The following SPOPL variants were observed in gnomAD, a reference collection of about 807,000 sequenced individuals.
SPOPL encodes speckle type BTB/POZ protein like.
In SPOPL, 23 loss-of-function variants were observed where a neutral mutation model predicts 53.8. The ratio of observed to expected loss-of-function variants is 0.43; its 90% CI spans 0.31 to 0.61. SPOPL has a LOEUF of 0.61. Among genes scored for constraint, SPOPL ranks in the 20% least tolerant of loss-of-function variants. The pLI, the probability that SPOPL is intolerant of heterozygous loss-of-function variation, is 0.12. For missense variants in SPOPL, 442 were observed against 466.9 expected (o/e 0.95, Z 0.49); for synonymous variants, 164 against 149.7 (o/e 1.10, Z -0.70).
At chr2:138,509,520 T>G (rs1332892083) in intron 1 of SPOPL, among the ~76,000 whole-genome samples, 1 of 152,144 alleles carries the variant, frequency 6.6e-6, no homozygotes, top group Non-Finnish European at 1.5e-5. Flanking sequence ...TGAAGCAAAT[T>G]TAACAATTTT....
At chr2:138,544,401 G>A (rs1685144585) in intron 1 of SPOPL, among the ~76,000 whole-genome samples, 2 of 152,182 alleles carry the variant, frequency 1.3e-5, no homozygotes, top group East Asian at 1.9e-4. Flanking sequence ...CTTCCAGGCC[G>A]CTTTGTTTAG....
intron 10 of SPOPL, among the ~76,000 whole-genome samples, chr2:138,568,462 T>C (rs572069309): frequency 1.3e-5 from 2 of 152,308 alleles, no homozygotes; most frequent in East Asian, 3.9e-4. Flanking sequence ...TGGCTGCGAA[T>C]GAACCTTGTG....
chr2:138,508,425 T>C (rs1684260312), intron 1 of SPOPL, among the ~76,000 whole-genome samples: 1 of 152,158 alleles, frequency 6.6e-6, no homozygotes, highest in Non-Finnish European at 1.5e-5. Context: ...CTCTGTCTCC[T>C]GGTTCAAACA....
intron 3 of SPOPL, 90 bp from the exon 4 acceptor site, chr2:138,550,813 T>G (rs965328936): frequency 2.4e-6 from 3 of 1,244,758 alleles, no homozygotes; most frequent in African/African-American, 3.1e-5. Flanking sequence ...GATTTCAGTG[T>G]TCTCTCTCTC....
intron 1 of SPOPL, among the ~76,000 whole-genome samples, chr2:138,508,996 C>G (rs1204710719): frequency 6.6e-6 from 1 of 151,864 alleles, no homozygotes; most frequent in Non-Finnish European, 1.5e-5. Context: ...TAAAAGAGGT[C>G]AGGATAATTA....
intron 5 of SPOPL, among the ~76,000 whole-genome samples, chr2:138,558,312 A>G (rs922774840): frequency 1.1e-4 from 16 of 152,192 alleles, no homozygotes; most frequent in African/African-American, 3.4e-4. Context: ...TACTGTAATC[A>G]TACCTTTTAT....
At chr2:138,519,968 A>G (rs1383856250) in intron 1 of SPOPL, among the ~76,000 whole-genome samples, 1 of 152,138 alleles carries the variant, frequency 6.6e-6, no homozygotes, top group Non-Finnish European at 1.5e-5. Flanking sequence ...TGGTATAGGG[A>G]CAAAGGGTGG....
intron 1 of SPOPL, among the ~76,000 whole-genome samples, chr2:138,542,342 G>C (rs922129191): frequency 2.0e-5 from 3 of 152,136 alleles, no homozygotes; most frequent in Non-Finnish European, 4.4e-5. Context: ...GGGTGTTAAA[G>C]TCTCCCATTA....
At chr2:138,548,724 G>C (rs1205366763) in intron 1 of SPOPL, among the ~76,000 whole-genome samples, 1 of 151,712 alleles carries the variant, frequency 6.6e-6, no homozygotes, top group Non-Finnish European at 1.5e-5. Flanking sequence ...AGTTTTCTTT[G>C]TTTACTGTTT....
chr2:138,564,227 T>C (rs1685611182), intron 8 of SPOPL, among the ~76,000 whole-genome samples: 1 of 152,242 alleles, frequency 6.6e-6, no homozygotes, highest in Non-Finnish European at 1.5e-5. Flanking sequence ...TTATGTGTAC[T>C]TTATTGTGTG....
Position 138,538,604 on chromosome 2 carries a change from T to C in SPOPL, c.-60-11553T>C, listed in dbSNP as rs539708488. ...CCATACACAAGAACCCTTAAAAATA[T>C]TCTTCCAGTCTTTTCACATTGCCTA... On this transcript the variant is annotated intron_variant, in intron 1 of 10. Coordinates refer to ENST00000280098, the MANE Select transcript of SPOPL (RefSeq NM_001001664.3). Among the ~76,000 whole-genome samples, 240 of 152,298 alleles carry C rather than the reference T, an allele frequency of 1.6e-3. 1 individual carries two copies. Among genetic ancestry groups the C allele is most frequent in the African/African-American group, 5.4e-3 (226 of 41,582 alleles).
chr2:138,516,087 A>C (rs910949219), intron 1 of SPOPL, among the ~76,000 whole-genome samples: 9 of 152,248 alleles, frequency 5.9e-5, no homozygotes, highest in Non-Finnish European at 1.2e-4. Context: ...TAGTGAAAGC[A>C]TAACTTATGA....
At chr2:138,541,334 G>A (rs1376212470) in intron 1 of SPOPL, among the ~76,000 whole-genome samples, 1 of 152,132 alleles carries the variant, frequency 6.6e-6, no homozygotes. Flanking sequence ...GCTCCTCCTT[G>A]TACCTCTGGT....
intron 8 of SPOPL, among the ~76,000 whole-genome samples, 180 bp downstream of exon 8, chr2:138,561,107 A>G (rs186181334): frequency 8.5e-5 from 13 of 152,272 alleles, no homozygotes; most frequent in Non-Finnish European, 1.9e-4. Context: ...TCATGATGTG[A>G]AAGTATCTTG....
At chr2:138,528,027 C>T (rs1014083168) in intron 1 of SPOPL, among the ~76,000 whole-genome samples, 30 of 152,300 alleles carry the variant, frequency 2.0e-4, no homozygotes, top group African/African-American at 6.0e-4. Flanking sequence ...TATTTTTCTT[C>T]GCATCTCATT....
chr2:138,532,242 T>C (rs1684824886), intron 1 of SPOPL, among the ~76,000 whole-genome samples: 1 of 152,138 alleles, frequency 6.6e-6, no homozygotes, highest in Non-Finnish European at 1.5e-5. Context: ...TATCCTGTTT[T>C]ATCTCCAGCG....
chr2:138,568,681 A>C (rs914796861), intron 10 of SPOPL, among the ~76,000 whole-genome samples: 2 of 152,166 alleles, frequency 1.3e-5, no homozygotes, highest in Admixed American at 1.3e-4. Flanking sequence ...AAATTGTAAC[A>C]ATGAGAGTTG....
intron 4 of SPOPL, among the ~76,000 whole-genome samples, chr2:138,551,586 A>G (rs1322377899): frequency 1.3e-5 from 2 of 152,068 alleles, no homozygotes; most frequent in Admixed American, 1.3e-4. Flanking sequence ...CCTGAGCTTC[A>G]TAATAGAAGA....
chr2:138,548,887 A>G (rs1685253334), intron 1 of SPOPL, among the ~76,000 whole-genome samples: 1 of 152,126 alleles, frequency 6.6e-6, no homozygotes, highest in Non-Finnish European at 1.5e-5. Flanking sequence ...TATTTAATTA[A>G]CTATGAATTT....
Sources: allele counts gnomAD v4.1 joint callset (sites outside exome capture counted in the v4.1 genomes callset), GRCh38; gene constraint gnomAD v4.1.1; transcripts MANE v1.5; gene names NCBI Gene and HGNC (gene_info 2026-07-23, HGNC 2026-07-21).